RNLS: variants seen among roughly 807,000 people sequenced by gnomAD.
RNLS encodes renalase, FAD dependent amine oxidase.
A neutral mutation model predicts 39.8 loss-of-function variants in RNLS; 39 were observed. The ratio of observed to expected loss-of-function variants is 0.98; its 90% CI spans 0.76 to 1.28. The LOEUF (loss-of-function observed/expected upper bound fraction) is 1.28, where lower values mean the gene tolerates loss of function less well. Among genes scored for constraint, RNLS ranks in the 50% most tolerant of loss-of-function variants. The pLI, the probability that RNLS is intolerant of heterozygous loss-of-function variation, is 0.00. For synonymous variants in RNLS, 147 were observed against 150.7 expected (o/e 0.98, Z 0.18); for missense variants, 410 against 413.3 (o/e 0.99, Z 0.07).
intron 4 of RNLS, among the ~76,000 whole-genome samples, chr10:88,456,213 G>T (rs1054757584): frequency 6.6e-6 from 1 of 152,106 alleles, no homozygotes; most frequent in African/African-American, 2.4e-5. Context: ...TAAGAAGGTT[G>T]AATAAACACC....
At chr10:88,221,548 C>A in the RNLS span, among the ~76,000 whole-genome samples, 1 of 152,198 alleles carries the variant, frequency 6.6e-6, no homozygotes, top group South Asian at 2.1e-4. Flanking sequence ...ATACACTTAA[C>A]ACAAATACTG....
At chr10:88,421,351 C>T (rs558093902) in intron 4 of RNLS, among the ~76,000 whole-genome samples, 4 of 152,270 alleles carry the variant, frequency 2.6e-5, no homozygotes, top group African/African-American at 9.6e-5. Flanking sequence ...AAATATGTAG[C>T]GTTTAATCAG....
chr10:88,233,515 C>T, the RNLS span, among the ~76,000 whole-genome samples: 12 of 152,080 alleles, frequency 7.9e-5, no homozygotes, highest in Non-Finnish European at 1.8e-4. Context: ...GTTTGCCTGA[C>T]AAAATAAAAG....
At chr10:88,416,356 C>T (rs560262691) in intron 4 of RNLS, among the ~76,000 whole-genome samples, 112 of 152,004 alleles carry the variant, frequency 7.4e-4, no homozygotes, top group African/African-American at 2.6e-3. Flanking sequence ...TGGGTTCAAG[C>T]GATTCTCCTG....
At chr10:88,395,168 A>C (rs541417205) in intron 4 of RNLS, among the ~76,000 whole-genome samples, 1 of 151,588 alleles carries the variant, frequency 6.6e-6, no homozygotes, top group Admixed American at 6.6e-5. Context: ...TGTTGCGCAC[A>C]TGTACCCTAA....
intron 4 of RNLS, among the ~76,000 whole-genome samples, chr10:88,409,321 C>T (rs1250084889): frequency 2.0e-5 from 3 of 152,106 alleles, no homozygotes; most frequent in Non-Finnish European, 2.9e-5. Context: ...CATCTAAAAG[C>T]GTTAAACATG....
chr10:88,398,878 T>C (rs1415264237), intron 4 of RNLS, among the ~76,000 whole-genome samples: 1 of 152,012 alleles, frequency 6.6e-6, no homozygotes, highest in East Asian at 1.9e-4. Context: ...TATTTGCATA[T>C]CATATATCCA....
At chr10:88,195,757 C>T in the RNLS span, among the ~76,000 whole-genome samples, 1 of 152,184 alleles carries the variant, frequency 6.6e-6, no homozygotes, top group Admixed American at 6.5e-5. Flanking sequence ...GAGATTTCTG[C>T]TGAAAAGACA....
chr10:88,449,887 C>T (rs1842268766), intron 4 of RNLS, among the ~76,000 whole-genome samples: 1 of 152,032 alleles, frequency 6.6e-6, no homozygotes, highest in Non-Finnish European at 1.5e-5. Context: ...CTCTCTGCTT[C>T]TGGGAGGGTA....
chr10:88,308,449 A>AC (rs143145390), intron 6 of RNLS, among the ~76,000 whole-genome samples: 45,989 of 151,956 alleles, frequency 0.3, 7,397 homozygotes, highest in South Asian at 0.38. Context: ...AATAAAAAAA[A>AC]AACCCCATTA....
the RNLS span, among the ~76,000 whole-genome samples, chr10:88,201,653 G>A: frequency 6.6e-6 from 1 of 151,338 alleles, no homozygotes; most frequent in Admixed American, 6.6e-5. Flanking sequence ...GAATCCCCTC[G>A]CTGAACCCTT....
At chr10:88,423,410 G>A (rs1332648174) in intron 4 of RNLS, among the ~76,000 whole-genome samples, 1 of 152,116 alleles carries the variant, frequency 6.6e-6, no homozygotes. Context: ...CACTTCTTTA[G>A]AAACTAATTT....
At chr10:88,265,348 G>GTTTTTTTTTTTT in the RNLS span, among the ~76,000 whole-genome samples, 1 of 35,554 alleles carries the variant, frequency 2.8e-5, no homozygotes. Context: ...TTTTTTTTTT[G>GTTTTTTTTTTTT]GTTCCATATG....
intron 4 of RNLS, among the ~76,000 whole-genome samples, chr10:88,435,092 A>G (rs541710827): frequency 2.0e-5 from 3 of 152,074 alleles, no homozygotes; most frequent in Non-Finnish European, 4.4e-5. Context: ...GTAAACCAAT[A>G]TAAGTAGCAG....
intron 5 of RNLS, among the ~76,000 whole-genome samples, chr10:88,342,845 T>A (rs1848051511): frequency 6.6e-6 from 1 of 152,090 alleles, no homozygotes; most frequent in African/African-American, 2.4e-5. Flanking sequence ...GATAGTGAGA[T>A]CAGGGGTTGG....
intron 4 of RNLS, among the ~76,000 whole-genome samples, chr10:88,384,552 A>G (rs1420185537): frequency 1.3e-5 from 2 of 152,208 alleles, no homozygotes; most frequent in Non-Finnish European, 2.9e-5. Context: ...ATTTCTCTAC[A>G]CTATAAATTG....
intron 4 of RNLS, among the ~76,000 whole-genome samples, chr10:88,456,901 C>A (rs187694901): frequency 6.6e-6 from 1 of 152,274 alleles, no homozygotes; most frequent in African/African-American, 2.4e-5. Flanking sequence ...GTTTTCTTCA[C>A]GGCCTTCTTG....
intron 4 of RNLS, among the ~76,000 whole-genome samples, chr10:88,418,967 A>C (rs1196941087): frequency 1.3e-5 from 2 of 152,160 alleles, no homozygotes; most frequent in African/African-American, 4.8e-5. Flanking sequence ...TTGCTCTGAG[A>C]GCCTGGCCTA....
chr10:88,277,328 G>A (rs1176714902), intron 6 of RNLS, among the ~76,000 whole-genome samples: 1 of 152,098 alleles, frequency 6.6e-6, no homozygotes, highest in Non-Finnish European at 1.5e-5. Context: ...TGCCTGCCGG[G>A]GAGGTGGGGG....
Sources: allele counts gnomAD v4.1 joint callset (sites outside exome capture counted in the v4.1 genomes callset), GRCh38; gene constraint gnomAD v4.1.1; transcripts MANE v1.5; gene names NCBI Gene and HGNC (gene_info 2026-07-23, HGNC 2026-07-21).